The following SRGAP1 variants were observed in gnomAD, a reference collection of about 807,000 sequenced individuals.
The protein encoded by SRGAP1 is SLIT-ROBO Rho GTPase-activating protein 1.
A neutral mutation model predicts 121.9 loss-of-function variants in SRGAP1; 43 were observed. The observed-to-expected ratio is 0.35, with a 90% CI of 0.28 to 0.46. The LOEUF is 0.46. Among genes scored for constraint, SRGAP1 ranks in the 20% least tolerant of loss-of-function variants. The pLI, the probability that SRGAP1 is intolerant of heterozygous loss-of-function variation, is 1.00. For missense variants in SRGAP1, 1,102 were observed against 1,350.9 expected, an observed-to-expected ratio of 0.82 and a Z score of 2.89; for synonymous variants, 447 against 485.4, an observed-to-expected ratio of 0.92 and a Z score of 1.04.
intron 4 of SRGAP1, among the ~76,000 whole-genome samples, chr12:64,031,498 A>G (rs775900324): frequency 2.0e-5 from 3 of 151,994 alleles, no homozygotes; most frequent in Non-Finnish European, 2.9e-5. Context: ...ACATAAACCA[A>G]CCACCTCCTT....
In SRGAP1 at chr12:64,142,451, C is replaced by T. The variant is rs770766626; in HGVS notation, c.3037C>T (p.His1013Tyr). 9 of 1,614,024 alleles carry T rather than the reference C, an allele frequency of 5.6e-6. No individual in the cohort carries two copies. Among genetic ancestry groups the T allele is most frequent in the Non-Finnish European group, 7.6e-6 (9 of 1,180,044 alleles). ...TTCCACGGAATCTCTCAGCCCTTTG[C>T]ACAACGTTGCCCTCAGGAGCTCCGA... The part of the protein sequence containing the change: ...ATSTESLSPL[H>Y]NVALRSSEPQ... Residue 1013 changes from histidine (H) to tyrosine (Y), a missense_variant, in exon 22 of 22, where the codon CAC (histidine) becomes TAC (tyrosine). By Grantham distance (83) the His-to-Tyr change is moderately conservative. Around this residue, in one of 3 missense-constraint regions of SRGAP1, gnomAD observed 315 missense variants for 343.1 expected, o/e 0.92. Coordinates refer to ENST00000355086, the MANE Select transcript of SRGAP1 (RefSeq NM_020762.4).
At chr12:63,885,485 A>G (rs1334897832) in intron 1 of SRGAP1, among the ~76,000 whole-genome samples, 1 of 152,178 alleles carries the variant, frequency 6.6e-6, no homozygotes, top group Non-Finnish European at 1.5e-5. Context: ...GCTTCATTAC[A>G]TAGGCATGAT....
At chr12:63,932,534 A>T (rs57136125) in intron 1 of SRGAP1, among the ~76,000 whole-genome samples, 2 of 152,226 alleles carry the variant, frequency 1.3e-5, no homozygotes, top group African/African-American at 4.8e-5. Context: ...AGAAATCTTT[A>T]TTACTAATTC....
At chr12:64,065,097 T>G in intron 7 of SRGAP1, 21 bp from the exon 8 acceptor site, 1 of 1,598,688 alleles carries the variant, frequency 6.3e-7, no homozygotes, top group Non-Finnish European at 8.5e-7. Flanking sequence ...CTGTTGTAAC[T>G]GGTTTCTCAT....
At chr12:64,091,726 G>A (rs181205443) in intron 12 of SRGAP1, among the ~76,000 whole-genome samples, 1 of 152,144 alleles carries the variant, frequency 6.6e-6, no homozygotes, top group Non-Finnish European at 1.5e-5. Flanking sequence ...ATTCTTTAAA[G>A]TCTGCTTGTT....
intron 1 of SRGAP1, among the ~76,000 whole-genome samples, chr12:63,955,480 T>C (rs1161070582): frequency 6.6e-6 from 1 of 152,188 alleles, no homozygotes; most frequent in Non-Finnish European, 1.5e-5. Context: ...AATACTTAAT[T>C]TAGTTAGACT....
Position 64,149,259 on chromosome 12 carries a change from C to G in SRGAP1, c.*6587C>G, listed in dbSNP as rs2037093528. 6.6e-6 allele frequency: 1 copy of G among 152,136 alleles called. No homozygotes were observed. The highest frequency in any genetic ancestry group is 2.4e-5 in the African/African-American group (1 of 41,424). The allele number at this position is 152,136 out of a possible 1,614,324, so 9.4% of individuals were successfully genotyped here. On this transcript the variant is annotated 3_prime_UTR_variant, in exon 22 of 22. Coordinates refer to ENST00000355086, the MANE Select transcript of SRGAP1 (RefSeq NM_020762.4). ...GTTGACCGGAAGGCCTACTCAAAGG[C>G]AAGGATACTTTTCTTTCTTTCCAAA...
rs1273775741 is a variant in SRGAP1, at chr12:64,042,868, G to A, written c.568G>A (p.Glu190Lys). 2 of 1,613,684 alleles carry A rather than the reference G, an allele frequency of 1.2e-6. No homozygotes were observed. Among genetic ancestry groups the A allele is most frequent in the Non-Finnish European group, 1.7e-6 (2 of 1,179,842 alleles). ...GCTGAAAGAGGCCGAAAAACAAGAG[G>A]AAAAGCAAATTGGGAGATCTGGTGA... is the stretch of plus-strand genomic sequence containing the variant. ...SKLKEAEKQE[E>K]KQIGRSGDPV... Residue 190 changes from glutamate (E) to lysine (K), a missense_variant, in exon 5 of 22, where the codon GAA becomes AAA. Glu to Lys is a moderately conservative substitution (Grantham distance 56, BLOSUM62 1). Coordinates refer to ENST00000355086, the MANE Select transcript of SRGAP1 (RefSeq NM_020762.4).
chr12:64,127,930 GCTCCACC>G lies in SRGAP1; in HGVS notation c.2617_2623del (p.Pro873MetfsTer10). The G allele has an allele frequency of 6.2e-7, 1 of 1,614,158 alleles. No individual in the cohort carries two copies. The highest frequency in any genetic ancestry group is 8.5e-7 in the Non-Finnish European group (1 of 1,180,016). On this transcript the variant is annotated frameshift_variant, in exon 21 of 22. Coordinates refer to ENST00000355086, the MANE Select transcript of SRGAP1 (RefSeq NM_020762.4). LOFTEE classifies it high-confidence loss of function. ...GCAGGACCAGTGATGGCCATTGCCC[GCTCCACC>G]CTCCACATGCCCTTTCTAACTCCTC...
At chr12:64,101,454 C>CT (rs1565681517) in intron 15 of SRGAP1, among the ~76,000 whole-genome samples, 1 of 151,746 alleles carries the variant, frequency 6.6e-6, no homozygotes, top group Non-Finnish European at 1.5e-5. Context: ...TCTTAGCATT[C>CT]TTTTTTTAAA....
intron 9 of SRGAP1, 28 bp downstream of exon 9, chr12:64,079,144 T>C: frequency 6.2e-7 from 1 of 1,612,738 alleles, no homozygotes; most frequent in South Asian, 1.1e-5. Context: ...CAAGCCACTC[T>C]ACAGAGCTCA....
At position 63,963,291 on chromosome 12, in the gene SRGAP1, T is replaced by C. The variant is rs1029672646; in HGVS notation, c.68-20656T>C. ...ATCTCCATGGCATATTTTTCTTCTT[T>C]TTAAGTTTTTCTCGGAACTGAAGTT... On this transcript the variant is annotated intron_variant, in intron 1 of 21. Coordinates refer to ENST00000355086, the MANE Select transcript of SRGAP1 (RefSeq NM_020762.4). 3.3e-5 allele frequency among the ~76,000 whole-genome samples: 5 copies of C among 152,220 alleles called. No homozygotes were observed. The East Asian group carries it at 9.6e-4, about 29-fold the overall frequency.
At position 63,882,471 on chromosome 12, in the gene SRGAP1, C is replaced by T. The variant is rs111451261; in HGVS notation, c.67+37588C>T. Among the ~76,000 whole-genome samples the T allele has an allele frequency of 9.9e-3, 1,501 of 151,996 alleles. 31 individuals are homozygous for T. Among genetic ancestry groups the T allele is most frequent in the African/African-American group, 0.034 (1,411 of 41,472 alleles). On this transcript the variant is annotated intron_variant, in intron 1 of 21. Transcript: ENST00000355086. ...TAAGTTTTTGTATTTTTAGTAGAGACGGGGGTTTCAGCATGTTGGCCAGGC... is the reference window on the plus strand; with the variant it reads ...TAAGTTTTTGTATTTTTAGTAGAGATGGGGGTTTCAGCATGTTGGCCAGGC...
chr12:63,998,420 C>G (rs1185676977), intron 3 of SRGAP1, among the ~76,000 whole-genome samples: 2 of 152,164 alleles, frequency 1.3e-5, no homozygotes, highest in African/African-American at 4.8e-5. Context: ...TAGTAACCTA[C>G]CTTCACAGGT....
intron 1 of SRGAP1, among the ~76,000 whole-genome samples, chr12:63,956,185 TGTGAAAA>T (rs1565968668): frequency 2.0e-5 from 3 of 152,172 alleles, no homozygotes; most frequent in African/African-American, 7.2e-5. Flanking sequence ...TGTACTTTTC[TGTGAAAA>T]GTACAAAATT....
intron 1 of SRGAP1, among the ~76,000 whole-genome samples, chr12:63,903,467 A>G (rs548279923): frequency 8.5e-5 from 13 of 152,050 alleles, no homozygotes; most frequent in African/African-American, 2.9e-4. Flanking sequence ...GCTGTACTTG[A>G]ACTCCTGACT....
At position 63,913,480 on chromosome 12, in the gene SRGAP1, T is replaced by TATATATATATATATATGG. The variant is rs1439123798; in HGVS notation, c.67+68608_67+68609insTATATGGATATATATATA. 3.1e-3 allele frequency among the ~76,000 whole-genome samples: 338 copies of TATATATATATATATATGG among 108,512 alleles called. 1 individual carries two copies. The highest frequency in any genetic ancestry group is 4.2e-3 in the Admixed American group (44 of 10,436). The allele number at this position is 108,512 out of a possible 152,430, so 71.2% of individuals were successfully genotyped here. On this transcript the variant is annotated intron_variant, in intron 1 of 21. Transcript: ENST00000355086. ...ATATATATATATATATATATATGGATATATATATATAAATACACATATATG... is the reference window on the plus strand; with the variant it reads ...ATATATATATATATATATATATGGATATATATATATATATATGGATATATATATAAATACACATATATG...
chr12:64,001,171 A>G (rs1192252325), intron 3 of SRGAP1, among the ~76,000 whole-genome samples: 1 of 152,172 alleles, frequency 6.6e-6, no homozygotes, highest in South Asian at 2.1e-4. Flanking sequence ...TAGGTCTTAT[A>G]TATAATATTA....
rs1025396135 is a variant in SRGAP1, at chr12:64,080,186, T to C, written c.1324-100T>C. 8 of 905,874 alleles carry C rather than the reference T, an allele frequency of 8.8e-6. No homozygotes were observed. The African/African-American group carries it at 1.4e-4, about 15-fold the overall frequency. 56.1% of individuals were successfully genotyped at this position (905,874 alleles called of 1,614,324 possible). Reference sequence around the variant, plus strand: ...TGAACCCCAGAGGAAGAGGTTGCAGTGAGCCAAGATCGCGCCACTGCACTC... The same window carrying C: ...TGAACCCCAGAGGAAGAGGTTGCAGCGAGCCAAGATCGCGCCACTGCACTC... On this transcript the variant is annotated intron_variant, in intron 9 of 21. Transcript: ENST00000355086.
Sources: allele counts gnomAD v4.1 joint callset (sites outside exome capture counted in the v4.1 genomes callset), GRCh38; gene constraint gnomAD v4.1.1; regional missense constraint gnomAD v4.1.1; transcripts MANE v1.5; gene names NCBI Gene and HGNC (gene_info 2026-07-23, HGNC 2026-07-21).